The following UNC5B variants were observed in gnomAD, a reference collection of about 807,000 sequenced individuals.
The protein encoded by UNC5B is netrin receptor UNC5B.
UNC5B carries 56 observed loss-of-function variants against 103.7 expected under a neutral mutation model. The ratio of observed to expected loss-of-function variants is 0.54; its 90% CI spans 0.44 to 0.67. UNC5B has a LOEUF of 0.67. Ranked by LOEUF, UNC5B falls within the 30% of genes least tolerant of loss-of-function variation. The pLI, the probability that UNC5B is intolerant of heterozygous loss-of-function variation, is 0.00. For synonymous variants in UNC5B, 577 were observed against 542.0 expected (o/e 1.06, Z -0.90); for missense variants, 1,194 against 1,284.5 (o/e 0.93, Z 1.08).
At chr10:71,237,880 G>A (rs1817467441) in intron 1 of UNC5B, among the ~76,000 whole-genome samples, 1 of 152,236 alleles carries the variant, frequency 6.6e-6, no homozygotes, top group Non-Finnish European at 1.5e-5. Flanking sequence ...AGCCAGGTGA[G>A]CCTGGGGGAA....
At chr10:71,284,985 CAG>C (rs1845033566) in intron 3 of UNC5B, 122 bp downstream of exon 3, 2 of 1,392,734 alleles carry the variant, frequency 1.4e-6, no homozygotes, top group Non-Finnish European at 1.9e-6. Context: ...ATGCCCACGG[CAG>C]AGACATCCCA....
chr10:71,296,909 G>C (rs868049254), intron 15 of UNC5B, among the ~76,000 whole-genome samples, 167 bp downstream of exon 15: 22 of 121,402 alleles, frequency 1.8e-4, no homozygotes, highest in East Asian at 4.8e-4. Context: ...GAAGGGTGGG[G>C]CAGATATTCC....
At position 71,301,455 on chromosome 10, in the gene UNC5B, T is replaced by G. The variant is rs1770966918; in HGVS notation, c.*2178T>G. 1 of 152,242 alleles carries G rather than the reference T, an allele frequency of 6.6e-6. No individual in the cohort carries two copies. The highest frequency in any genetic ancestry group is 2.4e-5 in the African/African-American group (1 of 41,454). 9.4% of individuals were successfully genotyped at this position (152,242 alleles called of 1,614,324 possible). A position where few individuals can be genotyped will look rare whatever the true frequency, so the allele number is the denominator to read the frequency against. On this transcript the variant is annotated 3_prime_UTR_variant, in exon 17 of 17. Transcript: ENST00000335350. Reference sequence around the variant, plus strand: ...GGGCCCGGAGGCTGAGACTAAGGCTTTCGACCCTGGTGCCTCCATGTGGAT... The same window carrying G: ...GGGCCCGGAGGCTGAGACTAAGGCTGTCGACCCTGGTGCCTCCATGTGGAT...
intron 1 of UNC5B, among the ~76,000 whole-genome samples, chr10:71,266,469 G>A (rs7915360): frequency 0.011 from 1,701 of 152,288 alleles, 35 homozygotes; most frequent in African/African-American, 0.038. Context: ...CTGAGCCAAG[G>A]CGGCCCAGCG....
At chr10:71,214,335 T>C (rs922536567) in intron 1 of UNC5B, among the ~76,000 whole-genome samples, 1 of 148,580 alleles carries the variant, frequency 6.7e-6, no homozygotes, top group African/African-American at 2.5e-5. Flanking sequence ...TTTAGCACAT[T>C]CCCCACTTTT....
chr10:71,214,319 C>T (rs940571072), intron 1 of UNC5B, among the ~76,000 whole-genome samples: 3 of 151,900 alleles, frequency 2.0e-5, no homozygotes, highest in Non-Finnish European at 2.9e-5. Flanking sequence ...GGAGTGAGGG[C>T]TTGGCTTTAG....
chr10:71,247,501 G>C (rs532359626), intron 1 of UNC5B, among the ~76,000 whole-genome samples: 14 of 152,342 alleles, frequency 9.2e-5, no homozygotes, highest in African/African-American at 3.4e-4. Context: ...CTGAGGCCTC[G>C]CTGTTGGACA....
At chr10:71,254,891 A>G (rs1844256576) in intron 1 of UNC5B, among the ~76,000 whole-genome samples, 2 of 152,226 alleles carry the variant, frequency 1.3e-5, no homozygotes, top group African/African-American at 4.8e-5. Flanking sequence ...TCTACAGTCC[A>G]GATAATGTTG....
At chr10:71,241,478 G>A (rs1843900227) in intron 1 of UNC5B, among the ~76,000 whole-genome samples, 1 of 152,186 alleles carries the variant, frequency 6.6e-6, no homozygotes, top group African/African-American at 2.4e-5. Context: ...GCTGTCTCCA[G>A]GGCTCTAGTC....
At chr10:71,244,799 T>C (rs1457664427) in intron 1 of UNC5B, among the ~76,000 whole-genome samples, 3 of 152,178 alleles carry the variant, frequency 2.0e-5, no homozygotes, top group Non-Finnish European at 4.4e-5. Flanking sequence ...CATGCCTGTG[T>C]GCGCCGAACT....
At chr10:71,293,650 C>A (rs751505583) in intron 12 of UNC5B, 50 bp from the exon 13 acceptor site, 2 of 1,605,770 alleles carry the variant, frequency 1.2e-6, no homozygotes, top group Admixed American at 3.4e-5. Flanking sequence ...TTTCCTCTGG[C>A]CCAGCCTGAA....
intron 1 of UNC5B, among the ~76,000 whole-genome samples, chr10:71,241,657 G>A (rs1002356974): frequency 2.6e-5 from 4 of 151,934 alleles, no homozygotes; most frequent in African/African-American, 9.7e-5. Context: ...CAGAAGGCCC[G>A]TCTTCTCCTT....
At position 71,300,938 on chromosome 10, in the gene UNC5B, A is replaced by G. The variant is rs548352492; in HGVS notation, c.*1661A>G. 8 of 152,608 alleles carry G rather than the reference A, an allele frequency of 5.2e-5. No individual in the cohort carries two copies. In the South Asian group the frequency reaches 1.7e-3, roughly 32 times the overall value. 9.5% of individuals were successfully genotyped at this position (152,608 alleles called of 1,614,324 possible). ...GTTGCCAGGGTTGAGGGGACAGCACATACCACCCCCACCCAACCTGTTCGA... is the reference window on the plus strand; with the variant it reads ...GTTGCCAGGGTTGAGGGGACAGCACGTACCACCCCCACCCAACCTGTTCGA... On this transcript the variant is annotated 3_prime_UTR_variant, in exon 17 of 17. Transcript: ENST00000335350.
chr10:71,292,080 G>A (rs1032900520), intron 10 of UNC5B, among the ~76,000 whole-genome samples: 1 of 152,200 alleles, frequency 6.6e-6, no homozygotes, highest in Non-Finnish European at 1.5e-5. Context: ...TGTTGTGTGA[G>A]AGAGAATATT....
chr10:71,298,209 CACCATTTGTGG>C, intron 16 of UNC5B, 119 bp downstream of exon 16: 1 of 1,247,354 alleles, frequency 8.0e-7, no homozygotes, highest in Non-Finnish European at 1.1e-6. Context: ...GCCCTTTTGC[CACCATTTGTGG>C]CAAATCAGCA....
In UNC5B at chr10:71,298,639, T is replaced by A. The variant is rs1300164516; in HGVS notation, c.2673-473T>A. ...ATAAATAAATAAAATATGCTTTAGA[T>A]AAGACATTTTACTAGAAATGAATAG... On this transcript the variant is annotated intron_variant, in intron 16 of 16. Coordinates refer to ENST00000335350, the MANE Select transcript of UNC5B (RefSeq NM_170744.5). Among the ~76,000 whole-genome samples, 5 of 152,150 alleles carry A rather than the reference T, an allele frequency of 3.3e-5. No homozygotes were observed. In the East Asian group the frequency reaches 9.6e-4, roughly 29 times the overall value.
chr10:71,242,774 C>T (rs1417427055), intron 1 of UNC5B, among the ~76,000 whole-genome samples: 2 of 152,184 alleles, frequency 1.3e-5, no homozygotes, highest in Non-Finnish European at 2.9e-5. Flanking sequence ...CTCACACACA[C>T]GTGTTGGAGG....
In UNC5B at chr10:71,230,438, G is replaced by A. The variant is rs560898081; in HGVS notation, c.79+17374G>A. On this transcript the variant is annotated intron_variant, in intron 1 of 16. Coordinates refer to ENST00000335350, the MANE Select transcript of UNC5B (RefSeq NM_170744.5). ...GTGGACATCAGACTGAGCAGAGCAG[G>A]CCAGTGGCCAAGGTCAAAATTGCTT... 1.3e-5 allele frequency among the ~76,000 whole-genome samples: 2 copies of A among 152,346 alleles called. 1 individual carries two copies. Among genetic ancestry groups the A allele is most frequent in the South Asian group, 4.1e-4 (2 of 4,822 alleles).
At chr10:71,228,795 A>T (rs1589152182) in intron 1 of UNC5B, among the ~76,000 whole-genome samples, 3 of 152,208 alleles carry the variant, frequency 2.0e-5, no homozygotes, top group African/African-American at 7.2e-5. Flanking sequence ...GCATTGTCTC[A>T]CTCAGTCCTT....
Sources: allele counts gnomAD v4.1 joint callset (sites outside exome capture counted in the v4.1 genomes callset), GRCh38; gene constraint gnomAD v4.1.1; transcripts MANE v1.5; gene names NCBI Gene and HGNC (gene_info 2026-07-23, HGNC 2026-07-21).